Variants in PDSS2 observed in about 807,000 individuals in gnomAD.
PDSS2 encodes the protein all trans-polyprenyl-diphosphate synthase PDSS2.
In PDSS2, 31 loss-of-function variants were observed where a neutral mutation model predicts 44.5. The observed-to-expected ratio is 0.70, with a 90% confidence interval of 0.52 to 0.94. The LOEUF (loss-of-function observed/expected upper bound fraction) is 0.94, where lower values mean the gene tolerates loss of function less well. PDSS2 is among the 40% of genes least tolerant of loss of function. PDSS2 has a pLI of 0.00. For synonymous variants in PDSS2, 157 were observed against 180.3 expected (o/e 0.87, Z 1.03); for missense variants, 452 against 482.2 (o/e 0.94, Z 0.59).
At chr6:107,246,068 A>C (rs187440074) in intron 3 of PDSS2, among the ~76,000 whole-genome samples, 15 of 152,326 alleles carry the variant, frequency 9.8e-5, no homozygotes, top group Admixed American at 8.5e-4. Context: ...AATCTTTCAA[A>C]TATGTTCATT....
chr6:107,288,958 C>T (rs1443058934), intron 2 of PDSS2, among the ~76,000 whole-genome samples: 2 of 148,412 alleles, frequency 1.3e-5, no homozygotes, highest in Non-Finnish European at 3.0e-5. Context: ...CGGGGTTTCA[C>T]CATGTTAGCC....
At chr6:107,197,855 A>G (rs1479244175) in intron 6 of PDSS2, 1 of 471,050 alleles carries the variant, frequency 2.1e-6, no homozygotes, top group African/African-American at 2.0e-5. Flanking sequence ...TGTTGAAAGT[A>G]GCATTTGTTG....
chr6:107,359,033 T>C (rs1452170167), intron 1 of PDSS2, among the ~76,000 whole-genome samples: 2 of 106,236 alleles, frequency 1.9e-5, no homozygotes, highest in Non-Finnish European at 3.9e-5. Flanking sequence ...TTTTTTGAGA[T>C]GAGTTTTGCT....
chr6:107,180,300 G>A (rs1771927159), intron 7 of PDSS2, among the ~76,000 whole-genome samples: 1 of 152,168 alleles, frequency 6.6e-6, no homozygotes, highest in Non-Finnish European at 1.5e-5. Flanking sequence ...CACCCGCAGA[G>A]CCAGCCTGAA....
intron 2 of PDSS2, among the ~76,000 whole-genome samples, chr6:107,286,751 T>G (rs1160601286): frequency 6.6e-6 from 1 of 151,474 alleles, no homozygotes; most frequent in African/African-American, 2.4e-5. Flanking sequence ...CACTAATAAT[T>G]TAGAAAAGAG....
chr6:107,431,050 T>C (rs1781179269), intron 1 of PDSS2, among the ~76,000 whole-genome samples: 1 of 152,214 alleles, frequency 6.6e-6, no homozygotes, highest in Non-Finnish European at 1.5e-5. Context: ...CCTAAGCCTT[T>C]CATTCAGTGA....
intron 3 of PDSS2, among the ~76,000 whole-genome samples, chr6:107,271,393 T>G (rs1014855650): frequency 6.6e-6 from 1 of 152,174 alleles, no homozygotes; most frequent in South Asian, 2.1e-4. Flanking sequence ...CAAGCAAGTG[T>G]GCTCATTCTA....
intron 4 of PDSS2, among the ~76,000 whole-genome samples, chr6:107,234,247 C>T (rs530981192): frequency 1.4e-3 from 218 of 151,824 alleles, no homozygotes; most frequent in African/African-American, 5.0e-3. Context: ...ACTTTGTTGC[C>T]CAGGCTGGAG....
chr6:107,296,702 G>A (rs1776520455), intron 2 of PDSS2, among the ~76,000 whole-genome samples: 1 of 152,016 alleles, frequency 6.6e-6, no homozygotes, highest in Non-Finnish European at 1.5e-5. Flanking sequence ...ACTCCAGCCT[G>A]GGCAACAAGA....
At chr6:107,249,226 T>A (rs895259466) in intron 3 of PDSS2, among the ~76,000 whole-genome samples, 1 of 152,230 alleles carries the variant, frequency 6.6e-6, no homozygotes, top group African/African-American at 2.4e-5. Context: ...AGTGTTAACT[T>A]ATTCTTCTTC....
intron 7 of PDSS2, among the ~76,000 whole-genome samples, chr6:107,166,890 T>C (rs1485317269): frequency 3.9e-5 from 6 of 152,250 alleles, no homozygotes; most frequent in African/African-American, 1.4e-4. Context: ...AGTATTTTAT[T>C]GAGGATTTTT....
intron 1 of PDSS2, among the ~76,000 whole-genome samples, chr6:107,458,016 ATATC>A (rs1270964039): frequency 4.6e-5 from 7 of 152,194 alleles, no homozygotes; most frequent in Admixed American, 6.5e-5. Context: ...AATAGTATAT[ATATC>A]TGTGTGTATA....
chr6:107,177,164 A>C, intron 7 of PDSS2, among the ~76,000 whole-genome samples: 1 of 130,756 alleles, frequency 7.6e-6, no homozygotes, highest in East Asian at 2.2e-4. Context: ...ACAGGGTCTC[A>C]CTCTCACTCA....
Position 107,305,420 on chromosome 6 carries a change from G to A in PDSS2, c.431+28778C>T, listed in dbSNP as rs565692769. Among the ~76,000 whole-genome samples the A allele has an allele frequency of 5.3e-5, 8 of 152,220 alleles. 1 individual carries two copies. The East Asian group carries it at 1.5e-3, about 29-fold the overall frequency. ...GTAAGTCATTTACGCTTTAGGGTGA[G>A]TTTAAGTTCATCTAAATGAAAAATT... On this transcript the variant is annotated intron_variant, in intron 2 of 7. Coordinates refer to ENST00000369037, the MANE Select transcript of PDSS2 (RefSeq NM_020381.4).
At chr6:107,448,329 T>C (rs964079835) in intron 1 of PDSS2, among the ~76,000 whole-genome samples, 1 of 152,174 alleles carries the variant, frequency 6.6e-6, no homozygotes, top group Non-Finnish European at 1.5e-5. Context: ...TAAACTTTTA[T>C]GTTCTGTCAC....
At chr6:107,171,408 C>T (rs1554248576) in intron 7 of PDSS2, among the ~76,000 whole-genome samples, 1 of 152,184 alleles carries the variant, frequency 6.6e-6, no homozygotes, top group Non-Finnish European at 1.5e-5. Context: ...AATGATCCTC[C>T]TGCCTCAGCC....
At chr6:107,296,449 G>T (rs1432516211) in intron 2 of PDSS2, among the ~76,000 whole-genome samples, 1 of 152,158 alleles carries the variant, frequency 6.6e-6, no homozygotes, top group African/African-American at 2.4e-5. Context: ...GACTCAATGG[G>T]GCATGGTGGC....
intron 7 of PDSS2, among the ~76,000 whole-genome samples, chr6:107,155,355 C>G (rs1770850184): frequency 6.6e-6 from 1 of 151,986 alleles, no homozygotes; most frequent in African/African-American, 2.4e-5. Flanking sequence ...CCATGTTGGC[C>G]AGGCTGGTCT....
At chr6:107,229,143 CA>C (rs1489243690) in intron 4 of PDSS2, among the ~76,000 whole-genome samples, 3 of 151,944 alleles carry the variant, frequency 2.0e-5, no homozygotes, top group Admixed American at 6.6e-5. Flanking sequence ...ATAATTAAGA[CA>C]TTTTTAACTC....
Sources: gnomAD v4.1 joint callset for allele counts (sites outside exome capture counted in the v4.1 genomes callset) on GRCh38, gnomAD v4.1.1 for gene constraint, MANE v1.5 for transcripts, NCBI Gene and HGNC (gene_info 2026-07-23, HGNC 2026-07-21) for gene names.